The following MEI4 variants were observed in gnomAD, a reference collection of about 807,000 sequenced individuals.
MEI4 encodes meiotic double-stranded break formation protein 4.
In MEI4, 27 loss-of-function variants were observed where a neutral mutation model predicts 31.4. That is an observed-to-expected ratio of 0.86 (90% confidence interval 0.63 to 1.19). The LOEUF (loss-of-function observed/expected upper bound fraction) is 1.19. MEI4 is among the 50% of genes most tolerant of loss of function. The pLI, the probability that MEI4 is intolerant of heterozygous loss-of-function variation, is 0.00. For missense variants in MEI4, 329 were observed against 398.9 expected, an observed-to-expected ratio of 0.82 and a Z score of 1.49; for synonymous variants, 122 against 145.4, an observed-to-expected ratio of 0.84 and a Z score of 1.16.
chr6:77,840,730 AT>A (rs1418361961), intron 4 of MEI4, among the ~76,000 whole-genome samples: 5 of 152,306 alleles, frequency 3.3e-5, no homozygotes, highest in Admixed American at 3.3e-4. Flanking sequence ...TACCAAAAAA[AT>A]GAACATTGTA....
At chr6:77,878,205 G>A (rs1425650279) in intron 4 of MEI4, among the ~76,000 whole-genome samples, 1 of 145,940 alleles carries the variant, frequency 6.9e-6, no homozygotes, top group African/African-American at 2.5e-5. Flanking sequence ...GATAAAATAA[G>A]TAATAAGTAA....
At chr6:77,749,127 A>G (rs990397824) in intron 2 of MEI4, among the ~76,000 whole-genome samples, 23 of 152,196 alleles carry the variant, frequency 1.5e-4, no homozygotes, top group African/African-American at 5.5e-4. Context: ...CAGTGACTTC[A>G]AAGACCAAAG....
intron 3 of MEI4, among the ~76,000 whole-genome samples, chr6:77,824,030 A>G (rs909533908): frequency 3.9e-5 from 6 of 152,206 alleles, no homozygotes; most frequent in East Asian, 1.9e-4. Flanking sequence ...CAAAATTTCT[A>G]TGCCTTAAGA....
intron 4 of MEI4, among the ~76,000 whole-genome samples, chr6:77,906,831 A>T (rs1385415376): frequency 6.6e-6 from 1 of 152,162 alleles, no homozygotes; most frequent in Non-Finnish European, 1.5e-5. Flanking sequence ...AAGTCAAGAA[A>T]GAGAGGACAG....
rs2127697615 is a variant in MEI4, at chr6:77,794,987, GAAGA to G, written c.768+33325_768+33328del. ...CATTTTGAACAACCAGTGAATAAAA[GAAGA>G]AATAAAAATGGAAAGCAAAAATATA... On this transcript the variant is annotated intron_variant, in intron 3 of 4. Coordinates refer to ENST00000684080, the MANE Select transcript of MEI4 (RefSeq NM_001322247.2). 2.0e-5 allele frequency among the ~76,000 whole-genome samples: 3 copies of G among 152,062 alleles called. No individual in the cohort carries two copies. In the South Asian group the frequency reaches 6.2e-4, roughly 32 times the overall value.
At chr6:77,862,231 G>T (rs1189417749) in intron 4 of MEI4, among the ~76,000 whole-genome samples, 1 of 152,162 alleles carries the variant, frequency 6.6e-6, no homozygotes, top group Non-Finnish European at 1.5e-5. Flanking sequence ...CAGGGTGCAG[G>T]ACAGTGGGTG....
intron 4 of MEI4, among the ~76,000 whole-genome samples, chr6:77,919,374 T>A (rs1328849882): frequency 6.6e-6 from 1 of 152,022 alleles, no homozygotes; most frequent in African/African-American, 2.4e-5. Context: ...ACATGGAAAC[T>A]GAACAACCTG....
intron 4 of MEI4, among the ~76,000 whole-genome samples, chr6:77,838,705 C>G (rs1392581777): frequency 6.6e-6 from 1 of 151,950 alleles, no homozygotes; most frequent in African/African-American, 2.4e-5. Flanking sequence ...AGTTCAAGAC[C>G]AGCCTGGCCA....
rs148739401 is a variant in MEI4, at chr6:77,816,240, A to C, written c.769-12691A>C. On this transcript the variant is annotated intron_variant, in intron 3 of 4. Coordinates refer to ENST00000684080, the MANE Select transcript of MEI4 (RefSeq NM_001322247.2). Reference sequence around the variant, plus strand: ...CAAATTATAATTTTAATTTTAGCATAGTTGATTATGATTTGCTATTTAAAA... The same window carrying C: ...CAAATTATAATTTTAATTTTAGCATCGTTGATTATGATTTGCTATTTAAAA... 6.6e-4 allele frequency among the ~76,000 whole-genome samples: 100 copies of C among 152,234 alleles called. 1 individual carries two copies. Among genetic ancestry groups the C allele is most frequent in the African/African-American group, 2.3e-3 (96 of 41,558 alleles).
intron 4 of MEI4, among the ~76,000 whole-genome samples, chr6:77,844,197 T>G (rs1446685353): frequency 1.3e-5 from 2 of 152,130 alleles, no homozygotes; most frequent in African/African-American, 4.8e-5. Context: ...TTAGAATGAC[T>G]CATGAATCTG....
intron 3 of MEI4, among the ~76,000 whole-genome samples, chr6:77,800,570 A>G (rs977004272): frequency 6.6e-6 from 1 of 152,216 alleles, no homozygotes; most frequent in Non-Finnish European, 1.5e-5. Context: ...GTCTTGTGCC[A>G]GTTTTCAAAG....
intron 4 of MEI4, among the ~76,000 whole-genome samples, chr6:77,868,235 T>A (rs958060984): frequency 9.5e-6 from 1 of 105,132 alleles, no homozygotes; most frequent in Non-Finnish European, 1.8e-5. Flanking sequence ...TTAAAAAAAA[T>A]TAAAAGCAAA....
intron 2 of MEI4, among the ~76,000 whole-genome samples, chr6:77,735,881 G>A (rs77580650): frequency 0.057 from 8,702 of 152,008 alleles, 754 homozygotes; most frequent in African/African-American, 0.17. Flanking sequence ...AGGTCTGTTG[G>A]AGTACCCGGC....
At chr6:77,790,387 T>G (rs1290803951) in intron 3 of MEI4, among the ~76,000 whole-genome samples, 1 of 151,856 alleles carries the variant, frequency 6.6e-6, no homozygotes. Flanking sequence ...ACCCTAAAAC[T>G]TAAAGTTTAA....
At chr6:77,661,658 G>A (rs1248385371) in intron 1 of MEI4, among the ~76,000 whole-genome samples, 1 of 152,186 alleles carries the variant, frequency 6.6e-6, no homozygotes, top group Non-Finnish European at 1.5e-5. Flanking sequence ...GGAAATGAGA[G>A]GTTCTAAGAG....
chr6:77,730,244 C>G (rs1766939982), intron 2 of MEI4, among the ~76,000 whole-genome samples: 1 of 152,004 alleles, frequency 6.6e-6, no homozygotes, highest in Non-Finnish European at 1.5e-5. Context: ...TTACCAGTTC[C>G]TCATGGTAGC....
At chr6:77,652,035 G>A (rs1768308073), upstream of MEI4, among the ~76,000 whole-genome samples, 1 of 152,150 alleles carries the variant, frequency 6.6e-6, no homozygotes, top group South Asian at 2.1e-4. Context: ...TAAGGCATGT[G>A]TACATTAAAC....
At chr6:77,709,871 A>T (rs1236575057) in intron 2 of MEI4, among the ~76,000 whole-genome samples, 1 of 152,100 alleles carries the variant, frequency 6.6e-6, no homozygotes, top group African/African-American at 2.4e-5. Flanking sequence ...GTTTATTCTC[A>T]TGTGTTTATT....
chr6:77,853,531 G>A (rs917666437), intron 4 of MEI4, among the ~76,000 whole-genome samples: 1 of 152,180 alleles, frequency 6.6e-6, no homozygotes, highest in Non-Finnish European at 1.5e-5. Context: ...AGATCACAAT[G>A]TCTGCACTAC....
Sources: gnomAD v4.1 joint callset for allele counts (sites outside exome capture counted in the v4.1 genomes callset) on GRCh38, gnomAD v4.1.1 for gene constraint, MANE v1.5 for transcripts, NCBI Gene and HGNC (gene_info 2026-07-23, HGNC 2026-07-21) for gene names.